The following MARCHF1 variants were observed in gnomAD, a reference collection of about 807,000 sequenced individuals.
MARCHF1 encodes the protein E3 ubiquitin-protein ligase MARCHF1.
A neutral mutation model predicts 54.2 loss-of-function variants in MARCHF1; 40 were observed. The ratio of observed to expected loss-of-function variants is 0.74; its 90% CI spans 0.57 to 0.96. The LOEUF (loss-of-function observed/expected upper bound fraction) is 0.96. MARCHF1 is among the 40% of genes least tolerant of loss of function. The pLI is 0.00. For synonymous variants in MARCHF1, 236 were observed against 236.3 expected (o/e 1.00, Z 0.01); for missense variants, 586 against 656.5 (o/e 0.89, Z 1.17).
intron 1 of MARCHF1, among the ~76,000 whole-genome samples, chr4:164,223,256 A>C (rs1220476649): frequency 6.6e-6 from 1 of 152,058 alleles, no homozygotes; most frequent in Admixed American, 6.6e-5. Flanking sequence ...ACCAATAATG[A>C]AGTTTTAGAA....
At chr4:163,589,718 A>G (rs1740523399) in intron 7 of MARCHF1, among the ~76,000 whole-genome samples, 1 of 152,168 alleles carries the variant, frequency 6.6e-6, no homozygotes, top group Non-Finnish European at 1.5e-5. Context: ...AATTGTGTAG[A>G]GAAATTGATT....
At chr4:163,923,693 A>T (rs1751478347) in intron 3 of MARCHF1, among the ~76,000 whole-genome samples, 1 of 151,932 alleles carries the variant, frequency 6.6e-6, no homozygotes, top group African/African-American at 2.4e-5. Flanking sequence ...TTTCTAGGCT[A>T]AAGTGATTGT....
intron 4 of MARCHF1, among the ~76,000 whole-genome samples, chr4:163,848,616 G>A (rs1480480545): frequency 3.3e-5 from 5 of 151,852 alleles, no homozygotes; most frequent in South Asian, 2.1e-4. Context: ...GGGTATAGTC[G>A]GTATAAGATG....
intron 3 of MARCHF1, among the ~76,000 whole-genome samples, chr4:163,956,732 G>A (rs780598044): frequency 6.6e-6 from 1 of 152,000 alleles, no homozygotes; most frequent in African/African-American, 2.4e-5. Context: ...TAACAAATCC[G>A]GAGTGGTAAC....
chr4:164,215,889 T>A (rs1005430217), intron 1 of MARCHF1, among the ~76,000 whole-genome samples: 2 of 152,138 alleles, frequency 1.3e-5, no homozygotes, highest in African/African-American at 4.8e-5. Flanking sequence ...CTAGAGAAAA[T>A]TCGGAACTTT....
intron 1 of MARCHF1, among the ~76,000 whole-genome samples, chr4:164,191,523 T>G (rs1447190436): frequency 1.3e-5 from 2 of 152,214 alleles, no homozygotes; most frequent in Non-Finnish European, 2.9e-5. Context: ...ATAGTATCAT[T>G]TATTCTTCTT....
intron 4 of MARCHF1, among the ~76,000 whole-genome samples, chr4:163,712,311 G>T (rs1376824102): frequency 6.6e-6 from 1 of 152,134 alleles, no homozygotes; most frequent in Non-Finnish European, 1.5e-5. Context: ...ACACACACAA[G>T]TGTATGTATA....
intron 1 of MARCHF1, among the ~76,000 whole-genome samples, chr4:164,245,124 C>T (rs1288210557): frequency 2.0e-5 from 3 of 152,152 alleles, no homozygotes; most frequent in Non-Finnish European, 4.4e-5. Flanking sequence ...CAGCATCATT[C>T]TGATACCAAA....
At chr4:163,859,188 C>G (rs528693425) in intron 3 of MARCHF1, among the ~76,000 whole-genome samples, 57 of 152,094 alleles carry the variant, frequency 3.7e-4, no homozygotes, top group African/African-American at 1.2e-3. Flanking sequence ...GTACAGATTT[C>G]TTTTAAAAAA....
chr4:163,735,596 G>A (rs1386862627), intron 4 of MARCHF1, among the ~76,000 whole-genome samples: 1 of 152,154 alleles, frequency 6.6e-6, no homozygotes, highest in African/African-American at 2.4e-5. Context: ...TGACATGTGT[G>A]AAGTTTCTTG....
chr4:164,100,220 A>C (rs940227677), intron 2 of MARCHF1, among the ~76,000 whole-genome samples: 20 of 45,150 alleles, frequency 4.4e-4, no homozygotes, highest in Non-Finnish European at 2.0e-4. Flanking sequence ...TAGCAAGAGA[A>C]ACGTGTACAT....
At chr4:163,745,578 T>C (rs1746335395) in intron 4 of MARCHF1, among the ~76,000 whole-genome samples, 1 of 152,194 alleles carries the variant, frequency 6.6e-6, no homozygotes, top group South Asian at 2.1e-4. Context: ...AGTTCTCAAA[T>C]AGCTCAATAT....
At chr4:163,582,745 T>C (rs12508341) in intron 8 of MARCHF1, among the ~76,000 whole-genome samples, 43,424 of 147,988 alleles carry the variant, frequency 0.29, 7,066 homozygotes, top group Middle Eastern at 0.4. Context: ...TAGCTAGCAT[T>C]CTCTATAACT....
chr4:164,108,051 C>T (rs192783258), intron 2 of MARCHF1, among the ~76,000 whole-genome samples: 68 of 152,174 alleles, frequency 4.5e-4, no homozygotes, highest in Non-Finnish European at 7.2e-4. Flanking sequence ...ATTTGTCCTA[C>T]CTTTTTTTTC....
At chr4:164,254,171 G>A (rs557483518) in intron 1 of MARCHF1, among the ~76,000 whole-genome samples, 5 of 151,680 alleles carry the variant, frequency 3.3e-5, no homozygotes, top group Admixed American at 6.6e-5. Context: ...GCGTGATCTC[G>A]GCTCTGAGTA....
intron 1 of MARCHF1, among the ~76,000 whole-genome samples, chr4:164,234,145 C>T (rs530690959): frequency 3.7e-4 from 56 of 152,054 alleles, no homozygotes; most frequent in Non-Finnish European, 7.5e-4. Context: ...TGCTACCTAT[C>T]TAAAATTACT....
chr4:163,877,661 TTC>T (rs1358981780), intron 3 of MARCHF1, among the ~76,000 whole-genome samples: 2 of 152,138 alleles, frequency 1.3e-5, no homozygotes, highest in East Asian at 3.9e-4. Context: ...TTGACCTTTC[TTC>T]TCTGCATCTT....
intron 4 of MARCHF1, among the ~76,000 whole-genome samples, chr4:163,740,049 G>A (rs1029444873): frequency 5.3e-5 from 8 of 152,064 alleles, no homozygotes; most frequent in African/African-American, 1.9e-4. Context: ...ATCATTATAG[G>A]CACACTGCAT....
At chr4:164,216,496 CAGT>C (rs1553992510) in intron 1 of MARCHF1, among the ~76,000 whole-genome samples, 1 of 151,998 alleles carries the variant, frequency 6.6e-6, no homozygotes, top group Non-Finnish European at 1.5e-5. Context: ...CAAGGAATAG[CAGT>C]AGATTGAAAA....
Sources: allele counts gnomAD v4.1 joint callset (sites outside exome capture counted in the v4.1 genomes callset), GRCh38; gene constraint gnomAD v4.1.1; transcripts MANE v1.5; gene names NCBI Gene and HGNC (gene_info 2026-07-23, HGNC 2026-07-21).